Variants in ANK3 observed in about 807,000 individuals in gnomAD.
The protein encoded by ANK3 is ankyrin 3.
Under a neutral mutation model 370.9 loss-of-function variants are expected in ANK3, and 57 were observed. That is an observed-to-expected ratio of 0.15 (90% confidence interval 0.12 to 0.19). ANK3 has a LOEUF of 0.19. Among genes scored for constraint, ANK3 ranks in the 10% least tolerant of loss-of-function variants. The pLI is 1.00. For synonymous variants in ANK3, 1,929 were observed against 1,946.3 expected (o/e 0.99, Z 0.23); for missense variants, 4,439 against 5,302.1 (o/e 0.84, Z 5.06).
chr10:60,563,859 T>C (rs2077397855), intron 2 of ANK3, among the ~76,000 whole-genome samples: 1 of 152,152 alleles, frequency 6.6e-6, no homozygotes, highest in Admixed American at 6.5e-5. Flanking sequence ...TAAATCTATC[T>C]CACTAAGTTT....
At chr10:60,616,053 T>C (rs1047414228) in intron 1 of ANK3, among the ~76,000 whole-genome samples, 2 of 152,168 alleles carry the variant, frequency 1.3e-5, no homozygotes, top group Non-Finnish European at 2.9e-5. Flanking sequence ...GTACATTTCA[T>C]TCGACTCTAT....
intron 2 of ANK3, among the ~76,000 whole-genome samples, chr10:60,531,011 TAA>T (rs1348825830): frequency 1.3e-5 from 2 of 152,172 alleles, no homozygotes; most frequent in African/African-American, 2.4e-5. Flanking sequence ...TGAGCAAAAC[TAA>T]ACTTTGTCTT....
chr10:60,455,118 AAG>A (rs2064713771), intron 2 of ANK3, among the ~76,000 whole-genome samples: 1 of 152,214 alleles, frequency 6.6e-6, no homozygotes, highest in African/African-American at 2.4e-5. Flanking sequence ...AACAGAAAAA[AAG>A]AGGTTTCTGG....
intron 2 of ANK3, among the ~76,000 whole-genome samples, chr10:60,398,268 T>A (rs1006172301): frequency 2.0e-5 from 3 of 152,212 alleles, no homozygotes; most frequent in Admixed American, 1.3e-4. Flanking sequence ...CATTCTTAGC[T>A]TACAGGCTAT....
intron 33 of ANK3, among the ~76,000 whole-genome samples, chr10:60,082,939 C>G (rs2085648108): frequency 6.6e-6 from 1 of 152,174 alleles, no homozygotes. Context: ...TTCCTAAACG[C>G]AGGATTGTTG....
intron 1 of ANK3, among the ~76,000 whole-genome samples, chr10:60,338,398 T>G (rs1020573054): frequency 6.6e-5 from 10 of 152,130 alleles, no homozygotes; most frequent in Non-Finnish European, 1.3e-4. Flanking sequence ...GGACTGGAGC[T>G]CAAGAATGTG....
At chr10:60,591,331 A>G (rs2077910177) in intron 2 of ANK3, among the ~76,000 whole-genome samples, 1 of 147,916 alleles carries the variant, frequency 6.8e-6, no homozygotes, top group Admixed American at 6.8e-5. Context: ...TTATTTATTT[A>G]TTTATTTATT....
At chr10:60,650,908 TC>T (rs1417397755) in intron 1 of ANK3, among the ~76,000 whole-genome samples, 2 of 145,172 alleles carry the variant, frequency 1.4e-5, no homozygotes, top group African/African-American at 5.1e-5. Context: ...ACACAGTGAG[TC>T]CTCCATTCCT....
chr10:60,647,573 T>A (rs2078725225), intron 1 of ANK3, among the ~76,000 whole-genome samples: 1 of 149,482 alleles, frequency 6.7e-6, no homozygotes, highest in Non-Finnish European at 1.5e-5. Context: ...TCAATTTAAA[T>A]AAAATTTTAA....
intron 1 of ANK3, among the ~76,000 whole-genome samples, chr10:60,288,284 C>T (rs907637693): frequency 6.6e-6 from 1 of 152,124 alleles, no homozygotes; most frequent in African/African-American, 2.4e-5. Context: ...AGGCATGATC[C>T]CTTCTCGCTC....
chr10:60,502,766 AAAAAGAAAG>A (rs1192347948), intron 2 of ANK3, among the ~76,000 whole-genome samples: 3 of 151,082 alleles, frequency 2.0e-5, no homozygotes, highest in Middle Eastern at 3.2e-3. Context: ...GAGAGAAAGA[AAAAAGAAAG>A]AAAAGAAAGA....
intron 2 of ANK3, among the ~76,000 whole-genome samples, chr10:60,446,179 C>G (rs1170063082): frequency 6.6e-6 from 1 of 152,110 alleles, no homozygotes. Flanking sequence ...TCTTTCTCAA[C>G]CACGAAGAGG....
chr10:60,270,485 C>T (rs992021537), intron 4 of ANK3, among the ~76,000 whole-genome samples: 4 of 151,806 alleles, frequency 2.6e-5, no homozygotes, highest in Non-Finnish European at 5.9e-5. Flanking sequence ...GTTAATAGTC[C>T]AAGTATAATT....
intron 2 of ANK3, among the ~76,000 whole-genome samples, chr10:60,549,043 A>T (rs1413302992): frequency 3.3e-5 from 5 of 152,108 alleles, no homozygotes; most frequent in East Asian, 3.8e-4. Context: ...TAAGAAACCA[A>T]GCCTTTATTA....
At chr10:60,604,070 A>T (rs978691878) in intron 2 of ANK3, among the ~76,000 whole-genome samples, 1 of 152,148 alleles carries the variant, frequency 6.6e-6, no homozygotes, top group Non-Finnish European at 1.5e-5. Flanking sequence ...GCTAGAACAA[A>T]TCCTGACCAT....
At chr10:60,301,109 C>G (rs912861971) in intron 1 of ANK3, among the ~76,000 whole-genome samples, 1 of 146,920 alleles carries the variant, frequency 6.8e-6, no homozygotes, top group Non-Finnish European at 1.5e-5. Flanking sequence ...CCAAACAACT[C>G]ATTGAATACT....
chr10:60,386,932 G>T (rs9633532), intron 1 of ANK3, among the ~76,000 whole-genome samples: 1 of 152,072 alleles, frequency 6.6e-6, no homozygotes, highest in Non-Finnish European at 1.5e-5. Context: ...GGCCTAGGCG[G>T]GTGGATCACC....
intron 23 of ANK3, among the ~76,000 whole-genome samples, chr10:60,152,245 G>A (rs188971909): frequency 2.6e-5 from 4 of 152,258 alleles, no homozygotes; most frequent in Admixed American, 2.6e-4. Flanking sequence ...TACAACCCAT[G>A]GGCCAAACCC....
intron 2 of ANK3, among the ~76,000 whole-genome samples, chr10:60,458,918 T>G (rs769471482): frequency 7.9e-5 from 12 of 152,088 alleles, no homozygotes; most frequent in Non-Finnish European, 1.3e-4. Context: ...ATGCATCACC[T>G]TTAAAAAAAG....
Sources: allele counts gnomAD v4.1 joint callset (sites outside exome capture counted in the v4.1 genomes callset), GRCh38; gene constraint gnomAD v4.1.1; transcripts MANE v1.5; gene names NCBI Gene and HGNC (gene_info 2026-07-23, HGNC 2026-07-21).